Variants in CIITA observed in about 807,000 individuals in gnomAD.
CIITA encodes MHC class II transactivator.
Under a neutral mutation model 115.1 loss-of-function variants are expected in CIITA, and 72 were observed. The ratio of observed to expected loss-of-function variants is 0.63; its 90% CI spans 0.52 to 0.76. The LOEUF (loss-of-function observed/expected upper bound fraction) is 0.76, where lower values mean the gene tolerates loss of function less well. CIITA is among the 30% of genes least tolerant of loss of function. CIITA has a pLI of 0.00. For synonymous variants in CIITA, 763 were observed against 635.6 expected, an observed-to-expected ratio of 1.20 and a Z score of -3.02; for missense variants, 1,617 against 1,463.8, an observed-to-expected ratio of 1.10 and a Z score of -1.71.
intron 14 of CIITA, 44 bp from the exon 15 acceptor site, chr16:10,916,323 C>A: frequency 6.3e-7 from 1 of 1,587,236 alleles, no homozygotes; most frequent in Non-Finnish European, 8.6e-7. Flanking sequence ...GGTCAGATGG[C>A]CCCAGGACGC....
chr16:10,900,600 C>T lies in CIITA; in HGVS notation c.437-914C>T, dbSNP rs143762353. Among the ~76,000 whole-genome samples, 76 of 152,038 alleles carry T rather than the reference C, an allele frequency of 5.0e-4. 1 individual carries two copies. The highest frequency in any genetic ancestry group is 8.5e-4 in the Admixed American group (13 of 15,272). On this transcript the variant is annotated intron_variant, in intron 5 of 19. Transcript: ENST00000324288. Reference sequence around the variant, plus strand: ...ACTAAAAATACAAAAATTAGCCAGGCGTGGTGGCGAACACCTGTAATCCCA... The same window carrying T: ...ACTAAAAATACAAAAATTAGCCAGGTGTGGTGGCGAACACCTGTAATCCCA...
chr16:10,899,875 T>A (rs951093024), intron 5 of CIITA, among the ~76,000 whole-genome samples: 1 of 152,046 alleles, frequency 6.6e-6, no homozygotes, highest in Non-Finnish European at 1.5e-5. Context: ...AGGTCAGGAG[T>A]TTGATACCTG....
intron 13 of CIITA, among the ~76,000 whole-genome samples, chr16:10,911,790 A>G (rs1567432062): frequency 6.6e-6 from 1 of 152,192 alleles, no homozygotes; most frequent in Non-Finnish European, 1.5e-5. Flanking sequence ...GGCTCAAGCA[A>G]TCCTCCCACC....
At position 10,930,722 on chromosome 16, in the gene CIITA, T is replaced by C. The variant is rs2040749524; in HGVS notation, c.*6867T>C. 2.0e-5 allele frequency: 3 copies of C among 152,204 alleles called. No individual in the cohort carries two copies. Among genetic ancestry groups the C allele is most frequent in the Non-Finnish European group, 4.4e-5 (3 of 68,050 alleles). The allele number at this position is 152,204 out of a possible 1,614,324, so 9.4% of individuals were successfully genotyped here. On this transcript the variant is annotated 3_prime_UTR_variant, in exon 20 of 20. Coordinates refer to ENST00000324288, the MANE Select transcript of CIITA (RefSeq NM_000246.4). Reference sequence around the variant, plus strand: ...GGACCCTGCTAAGTGCCATGAGACCTTAGCAGAGGCTGTGGGTGCCCCGCC... The same window carrying C: ...GGACCCTGCTAAGTGCCATGAGACCCTAGCAGAGGCTGTGGGTGCCCCGCC...
chr16:10,899,238 C>T (rs113674104), intron 5 of CIITA, among the ~76,000 whole-genome samples: 221 of 152,334 alleles, frequency 1.5e-3, no homozygotes, highest in African/African-American at 5.0e-3. Context: ...CCTCCCTCTC[C>T]AAACCCACTA....
Position 10,903,907 on chromosome 16 carries a change from T to C in CIITA, c.937+12T>C, listed in dbSNP as rs905246966. On this transcript the variant is annotated intron_variant, in intron 9 of 19. Coordinates refer to ENST00000324288, the MANE Select transcript of CIITA (RefSeq NM_000246.4). ...AGCAAACATGACAGGTAAGGACCCTTAGGGCCTGTGAGAGGTACTAGAAGC... is the reference window on the plus strand; with the variant it reads ...AGCAAACATGACAGGTAAGGACCCTCAGGGCCTGTGAGAGGTACTAGAAGC... The C allele has an allele frequency of 1.9e-6, 3 of 1,614,176 alleles. No individual in the cohort carries two copies. The highest frequency in any genetic ancestry group is 2.5e-6 in the Non-Finnish European group (3 of 1,180,032).
intron 1 of CIITA, 33 bp downstream of exon 1, chr16:10,877,415 G>T (rs760034759): frequency 6.2e-7 from 1 of 1,601,598 alleles, no homozygotes; most frequent in Admixed American, 1.7e-5. Flanking sequence ...TTAATTTAGC[G>T]TGCAGTCTCA....
In CIITA at chr16:10,900,503, GC is replaced by G. The variant is rs539364891; in HGVS notation, c.437-1009del. Among the ~76,000 whole-genome samples, 127 of 152,208 alleles carry G rather than the reference GC, an allele frequency of 8.3e-4. 1 individual carries two copies. The highest frequency in any genetic ancestry group is 2.8e-3 in the African/African-American group (116 of 41,528). Reference sequence around the variant, plus strand: ...ATCTGTAATCCCAGCACTTTGGGAGGCCAAGGCTGGCAGATCACCTGAGGTC... The same window carrying G: ...ATCTGTAATCCCAGCACTTTGGGAGGCAAGGCTGGCAGATCACCTGAGGTC... On this transcript the variant is annotated intron_variant, in intron 5 of 19. Coordinates refer to ENST00000324288, the MANE Select transcript of CIITA (RefSeq NM_000246.4).
Position 10,901,667 on chromosome 16 carries a change from C to A in CIITA, c.481+109C>A. 8.3e-7 allele frequency: 1 copy of A among 1,209,772 alleles called. No homozygotes were observed. The highest frequency in any genetic ancestry group is 1.2e-6 in the Non-Finnish European group (1 of 840,454). The allele number at this position is 1,209,772 out of a possible 1,614,324, so 74.9% of individuals were successfully genotyped here. A position where few individuals can be genotyped will look rare whatever the true frequency, so the allele number is the denominator to read the frequency against. ...TGATGGGGATGGTGCATGGTGCAGC[C>A]CCTGCCCTTCTTTGGGTAGAGGCTG... On this transcript the variant is annotated intron_variant, in intron 6 of 19. Transcript: ENST00000324288. The surrounding 1 kb of genome is among the most constrained non-coding windows in gnomAD (Gnocchi z 6.8).
chr16:10,901,682 G>T lies in CIITA; in HGVS notation c.481+124G>T. 9.1e-7 allele frequency: 1 copy of T among 1,096,256 alleles called. No homozygotes were observed. The highest frequency in any genetic ancestry group is 1.3e-6 in the Non-Finnish European group (1 of 741,836). 67.9% of individuals were successfully genotyped at this position (1,096,256 alleles called of 1,614,324 possible). A position where few individuals can be genotyped will look rare whatever the true frequency, so the allele number is the denominator to read the frequency against. On this transcript the variant is annotated intron_variant, in intron 6 of 19. Coordinates refer to ENST00000324288, the MANE Select transcript of CIITA (RefSeq NM_000246.4). This position sits in a 1 kb window ranked among gnomAD's most constrained non-coding sequence, Gnocchi z 6.8. ...ATGGTGCAGCCCCTGCCCTTCTTTG[G>T]GTAGAGGCTGAGAGCTTGGGGTCCC...
Position 10,942,266 on chromosome 16 carries a change from G to A in CIITA, n.1392G>A. On this transcript the variant is annotated non_coding_transcript_exon_variant, in exon 2 of 2. Coordinates refer to the CIITA transcript ENST00000573379. The surrounding 1 kb of genome is among the most constrained non-coding windows in gnomAD (Gnocchi z 5.0). Reference sequence around the variant, plus strand: ...GCGGGCCCCCCTGAAGTGGCCCGCGGCTGCCCGGCTCCCTCGTGGCGCCTC... The same window carrying A: ...GCGGGCCCCCCTGAAGTGGCCCGCGACTGCCCGGCTCCCTCGTGGCGCCTC... The A allele has an allele frequency of 2.9e-6, 1 of 343,384 alleles. No individual in the cohort carries two copies. Among genetic ancestry groups the A allele is most frequent in the Non-Finnish European group, 5.3e-6 (1 of 189,192 alleles). The allele number at this position is 343,384 out of a possible 1,614,324, so 21.3% of individuals were successfully genotyped here.
upstream of CIITA, among the ~76,000 whole-genome samples, chr16:10,875,225 CTAGGATTA>C (rs1596404431): frequency 2.6e-5 from 4 of 152,286 alleles, no homozygotes; most frequent in East Asian, 7.7e-4. Context: ...TCCCAAAGGA[CTAGGATTA>C]CAGGCATGAG....
At chr16:10,867,482 G>T (rs1280484611) in intron 1 of CIITA, among the ~76,000 whole-genome samples, 5 of 151,924 alleles carry the variant, frequency 3.3e-5, no homozygotes, top group Non-Finnish European at 1.5e-5. Flanking sequence ...CAGAGACAGG[G>T]AGAAAAGGGA....
chr16:10,915,004 G>A, intron 13 of CIITA: 1 of 454,500 alleles, frequency 2.2e-6, no homozygotes, highest in Non-Finnish European at 4.4e-6. Context: ...GACAAAAGCT[G>A]GGGAGCCCCA....
rs568068642 is a variant in CIITA, at chr16:10,889,197, C to G, written c.53-6085C>G. Among the ~76,000 whole-genome samples the G allele has an allele frequency of 3.3e-5, 5 of 152,322 alleles. No individual in the cohort carries two copies. The East Asian group carries it at 9.6e-4, about 29-fold the overall frequency. ...CGGGATGATCAGGGCCATCTTTTCCCTCCATCCCGCTCTGGCAATGTGGTT... is the reference window on the plus strand; with the variant it reads ...CGGGATGATCAGGGCCATCTTTTCCGTCCATCCCGCTCTGGCAATGTGGTT... On this transcript the variant is annotated intron_variant, in intron 1 of 19. Coordinates refer to ENST00000324288, the MANE Select transcript of CIITA (RefSeq NM_000246.4).
intron 1 of CIITA, among the ~76,000 whole-genome samples, chr16:10,890,139 G>T (rs1358512948): frequency 6.6e-6 from 1 of 152,118 alleles, no homozygotes; most frequent in South Asian, 2.1e-4. Flanking sequence ...TGTATTGGGG[G>T]CTTCTGGGAG....
In CIITA at chr16:10,941,898, G is replaced by A. The variant is rs2041107695; in HGVS notation, n.1024G>A. 1 of 1,609,630 alleles carries A rather than the reference G, an allele frequency of 6.2e-7. No individual in the cohort carries two copies. Among genetic ancestry groups the A allele is most frequent in the Admixed American group, 1.7e-5 (1 of 59,592 alleles). ...AGGCGTAGTACAGGATCAGCACATT[G>A]ACGAAGAACAGGCCCACGTAGAACA... On this transcript the variant is annotated non_coding_transcript_exon_variant, in exon 2 of 2. Coordinates refer to the CIITA transcript ENST00000573379. This position sits in a 1 kb window ranked among gnomAD's most constrained non-coding sequence, Gnocchi z 6.4.
chr16:10,880,220 C>A (rs766521548), intron 1 of CIITA, among the ~76,000 whole-genome samples: 6 of 152,092 alleles, frequency 3.9e-5, no homozygotes, highest in African/African-American at 1.4e-4. Flanking sequence ...TCCCAGGCTC[C>A]CCACACATGA....
At chr16:10,910,408 A>T in intron 13 of CIITA, 149 bp downstream of exon 13, 1 of 761,838 alleles carries the variant, frequency 1.3e-6, no homozygotes, top group Admixed American at 2.0e-5. Context: ...AGCAGCTGGA[A>T]AGTGACCAGT....
Sources: allele counts gnomAD v4.1 joint callset (sites outside exome capture counted in the v4.1 genomes callset), GRCh38; gene constraint gnomAD v4.1.1; non-coding constraint Gnocchi (gnomAD v3.1); transcripts MANE v1.5; gene names NCBI Gene and HGNC (gene_info 2026-07-23, HGNC 2026-07-21).